Variants in KALRN observed in about 807,000 individuals in gnomAD.
KALRN encodes the protein kalirin.
Under a neutral mutation model 353.7 loss-of-function variants are expected in KALRN, and 70 were observed. The ratio of observed to expected loss-of-function variants is 0.20; its 90% CI spans 0.16 to 0.24. KALRN has a LOEUF of 0.24. Among genes scored for constraint, KALRN ranks in the 10% least tolerant of loss-of-function variants. The pLI, the probability that KALRN is intolerant of heterozygous loss-of-function variation, is 1.00. For missense variants in KALRN, 2,791 were observed against 3,756.7 expected (o/e 0.74, Z 6.72); for synonymous variants, 1,391 against 1,434.8 (o/e 0.97, Z 0.69).
chr3:124,120,711 A>AATATATATATATATATATATATATATAT (rs368470724), intron 1 of KALRN, among the ~76,000 whole-genome samples: 2 of 98,934 alleles, frequency 2.0e-5, no homozygotes, highest in African/African-American at 8.5e-5. Flanking sequence ...GAATACTAAA[A>AATATATATATATATATATATATATATAT]ATATATATAT....
At chr3:124,356,178 C>G (rs1258210510) in intron 10 of KALRN, among the ~76,000 whole-genome samples, 1 of 152,032 alleles carries the variant, frequency 6.6e-6, no homozygotes, top group African/African-American at 2.4e-5. Context: ...TCCCCTCGAC[C>G]CCTGCCATTG....
At chr3:124,503,529 T>C (rs1296723006) in intron 33 of KALRN, among the ~76,000 whole-genome samples, 1 of 152,094 alleles carries the variant, frequency 6.6e-6, no homozygotes, top group African/African-American at 2.4e-5. Context: ...TATAGTTCCT[T>C]TGTTACTTTT....
intron 6 of KALRN, among the ~76,000 whole-genome samples, chr3:124,312,765 T>C (rs190205681): frequency 8.1e-4 from 123 of 152,362 alleles, no homozygotes; most frequent in African/African-American, 2.6e-3. Context: ...CAAAGCTATC[T>C]TCAAGGAGCT....
chr3:124,462,149 G>C (rs1368465230), intron 24 of KALRN, among the ~76,000 whole-genome samples, 193 bp downstream of exon 24: 1 of 152,170 alleles, frequency 6.6e-6, no homozygotes, highest in Non-Finnish European at 1.5e-5. Context: ...TGAAAAGAAA[G>C]TTTAAACTTT....
intron 45 of KALRN, among the ~76,000 whole-genome samples, chr3:124,663,300 A>G (rs73193773): frequency 0.028 from 4,268 of 152,278 alleles, 78 homozygotes; most frequent in East Asian, 0.079. Context: ...GCTTACTGGC[A>G]TGACCACTTG....
At chr3:124,269,516 C>T (rs2073923476) in intron 5 of KALRN, among the ~76,000 whole-genome samples, 1 of 152,160 alleles carries the variant, frequency 6.6e-6, no homozygotes, top group Non-Finnish European at 1.5e-5. Context: ...ATTATAATCA[C>T]ATTTTACAGA....
chr3:124,516,904 GCCTCCCAGGTTCA>G (rs1169249907), intron 33 of KALRN, among the ~76,000 whole-genome samples: 1 of 151,780 alleles, frequency 6.6e-6, no homozygotes, highest in Non-Finnish European at 1.5e-5. Flanking sequence ...TGCAACCTCC[GCCTCCCAGGTTCA>G]AGTGATTCTC....
chr3:124,725,907 G>A lies in KALRN; in HGVS notation c.*6437G>A, dbSNP rs2063413136. The stretch of plus-strand genomic sequence containing the variant: ...CATAAGTGGACAGGTTTCCCCATAG[G>A]GACCATCGCACATATACATATAAGT... On this transcript the variant is annotated 3_prime_UTR_variant, in exon 60 of 60. Transcript: ENST00000682506. The A allele has an allele frequency of 6.6e-6, 1 of 152,052 alleles. No individual in the cohort carries two copies. Among genetic ancestry groups the A allele is most frequent in the Non-Finnish European group, 1.5e-5 (1 of 68,018 alleles). The allele number at this position is 152,052 out of a possible 1,614,324, so 9.4% of individuals were successfully genotyped here.
chr3:124,707,269 G>T (rs1407240324), intron 57 of KALRN, among the ~76,000 whole-genome samples: 1 of 152,186 alleles, frequency 6.6e-6, no homozygotes, highest in Non-Finnish European at 1.5e-5. Context: ...CTTGAGCCTG[G>T]GAGGTCGAGA....
At chr3:124,584,829 G>GC (rs1431132439) in intron 34 of KALRN, 10 of 1,604,388 alleles carry the variant, frequency 6.2e-6, no homozygotes, top group Non-Finnish European at 8.5e-6. Context: ...AACATGAAGG[G>GC]CGGCGACAGG....
At chr3:124,239,757 G>T (rs888558152) in intron 3 of KALRN, among the ~76,000 whole-genome samples, 1 of 152,200 alleles carries the variant, frequency 6.6e-6, no homozygotes, top group African/African-American at 2.4e-5. Flanking sequence ...AGGGTTTCCT[G>T]CCTCTATTTT....
intron 25 of KALRN, among the ~76,000 whole-genome samples, chr3:124,462,951 G>T (rs150386784): frequency 1.3e-5 from 2 of 152,138 alleles, no homozygotes; most frequent in Admixed American, 1.3e-4. Context: ...AAATCCTGAC[G>T]TTAGAATTCA....
In KALRN at chr3:124,587,698, C is replaced by CTTTTTTTTTTTTTTTTTTTTTTTTTTTTT. The variant is rs529810541; in HGVS notation, c.5182+24634_5182+24635insTTTTTTTTTTTTTTTTTTTTTTTTTTTTT. ...TTTTTCCCTCCACCCCCACCCTCCA[C>CTTTTTTTTTTTTTTTTTTTTTTTTTTTTT]TTTTTTTTTTTTTTTTTTTTTTTTT... On this transcript the variant is annotated intron_variant, in intron 34 of 59. Transcript: ENST00000682506. Among the ~76,000 whole-genome samples the CTTTTTTTTTTTTTTTTTTTTTTTTTTTTT allele has an allele frequency of 1.8e-4, 14 of 75,862 alleles. 1 individual carries two copies. Among genetic ancestry groups the CTTTTTTTTTTTTTTTTTTTTTTTTTTTTT allele is most frequent in the Non-Finnish European group, 3.0e-4 (13 of 42,642 alleles). The allele number at this position is 75,862 out of a possible 152,430, so 49.8% of individuals were successfully genotyped here.
chr3:124,679,791 G>A, intron 51 of KALRN: 1 of 507,898 alleles, frequency 2.0e-6, no homozygotes, highest in South Asian at 2.1e-5. Context: ...TTGACTTTAT[G>A]TAGAAAATAT....
At chr3:124,494,317 G>A (rs2063488046) in intron 32 of KALRN, among the ~76,000 whole-genome samples, 1 of 152,192 alleles carries the variant, frequency 6.6e-6, no homozygotes, top group South Asian at 2.1e-4. Flanking sequence ...GAGTTCATTG[G>A]TTGGGGAATA....
At chr3:124,052,267 A>G (rs1216645030) in intron 1 of KALRN, among the ~76,000 whole-genome samples, 2 of 152,326 alleles carry the variant, frequency 1.3e-5, no homozygotes, top group East Asian at 3.9e-4. Context: ...GAGTGGCTTC[A>G]AACAATTTTG....
chr3:124,205,757 A>G (rs1046894809), intron 1 of KALRN, among the ~76,000 whole-genome samples: 1 of 152,196 alleles, frequency 6.6e-6, no homozygotes, highest in African/African-American at 2.4e-5. Context: ...ATCGCTCTCT[A>G]AAATTTACCT....
chr3:124,192,159 C>A lies in KALRN; in HGVS notation c.74-35831C>A, dbSNP rs139668654. 2.9e-3 allele frequency among the ~76,000 whole-genome samples: 435 copies of A among 152,282 alleles called. 4 individuals are homozygous for A. Among genetic ancestry groups the A allele is most frequent in the African/African-American group, 9.9e-3 (410 of 41,554 alleles). ...AATGTAACTATATTTAGAGAAGAGG[C>A]CTTTAAACAGGTGATTAGAGTGAGC... On this transcript the variant is annotated intron_variant, in intron 1 of 59. Coordinates refer to ENST00000682506, the MANE Select transcript of KALRN (RefSeq NM_001388419.1).
At chr3:124,104,424 C>G (rs1296451625) in intron 1 of KALRN, among the ~76,000 whole-genome samples, 1 of 152,152 alleles carries the variant, frequency 6.6e-6, no homozygotes, top group African/African-American at 2.4e-5. Flanking sequence ...GCTTTAGTAG[C>G]CCTGAATTAC....
Sources: allele counts gnomAD v4.1 joint callset (sites outside exome capture counted in the v4.1 genomes callset), GRCh38; gene constraint gnomAD v4.1.1; transcripts MANE v1.5; gene names NCBI Gene and HGNC (gene_info 2026-07-23, HGNC 2026-07-21).